Variants in PEMT observed in about 807,000 individuals in gnomAD.
PEMT encodes phosphatidylethanolamine N-methyltransferase, also known as phospholipid methyltransferase.
In PEMT, 23 loss-of-function variants were observed where a neutral mutation model predicts 27.4. The ratio of observed to expected loss-of-function variants is 0.84; its 90% CI spans 0.60 to 1.19. The LOEUF is 1.19. Among genes scored for constraint, PEMT ranks in the 50% most tolerant of loss-of-function variants. The pLI, the probability that PEMT is intolerant of heterozygous loss-of-function variation, is 0.00. For synonymous variants in PEMT, 137 were observed against 139.1 expected (o/e 0.98, Z 0.11); for missense variants, 307 against 310.1 (o/e 0.99, Z 0.07).
At chr17:17,569,769 T>C (rs973578361) in intron 2 of PEMT, among the ~76,000 whole-genome samples, 1 of 152,206 alleles carries the variant, frequency 6.6e-6, no homozygotes, top group Non-Finnish European at 1.5e-5. Flanking sequence ...TACCAAAGCA[T>C]GTGCACACTT....
At chr17:17,577,687 C>G (rs995927099) in intron 1 of PEMT, among the ~76,000 whole-genome samples, 1 of 151,394 alleles carries the variant, frequency 6.6e-6, no homozygotes, top group African/African-American at 2.4e-5. Flanking sequence ...AAAAAACCCA[C>G]GGCCCATTCC....
chr17:17,583,608 G>A (rs1029441003), intron 1 of PEMT, among the ~76,000 whole-genome samples: 3 of 152,178 alleles, frequency 2.0e-5, no homozygotes, highest in African/African-American at 7.2e-5. Flanking sequence ...TTTCCCTTGA[G>A]TGGAATGGGG....
chr17:17,527,280 G>A (rs145241538), intron 2 of PEMT, among the ~76,000 whole-genome samples: 4,682 of 152,242 alleles, frequency 0.031, 238 homozygotes, highest in African/African-American at 0.11. Flanking sequence ...CAGGTGATCC[G>A]CCCGCCTCGG....
chr17:17,520,865 C>T (rs1184582781), intron 3 of PEMT, among the ~76,000 whole-genome samples: 1 of 152,272 alleles, frequency 6.6e-6, no homozygotes, highest in East Asian at 1.9e-4. Flanking sequence ...TGCTCACCCA[C>T]ATTCCTGTGG....
rs991529279 is a variant in PEMT at position 17,516,590 on chromosome 17, C to T, written c.321-3936G>A. Reference sequence around the variant, plus strand: ...AACAGGCAGCAGTATCCCAGCACCCCTAGCACCTGGGAATCCCAGGCTGAC... The same window carrying T: ...AACAGGCAGCAGTATCCCAGCACCCTTAGCACCTGGGAATCCCAGGCTGAC... On this transcript the variant is annotated intron_variant, in intron 3 of 6. Transcript: ENST00000255389. Among the ~76,000 whole-genome samples the T allele has an allele frequency of 3.3e-5, 5 of 152,184 alleles. No homozygotes were observed. In the East Asian group the frequency reaches 5.8e-4, roughly 18 times the overall value.
chr17:17,525,799 C>T (rs1406396679), intron 2 of PEMT, among the ~76,000 whole-genome samples: 1 of 152,144 alleles, frequency 6.6e-6, no homozygotes, highest in African/African-American at 2.4e-5. Flanking sequence ...TCGAGACCAG[C>T]CAGGCCAACA....
At chr17:17,522,653 A>T (rs1907362040) in intron 2 of PEMT, among the ~76,000 whole-genome samples, 1 of 152,162 alleles carries the variant, frequency 6.6e-6, no homozygotes, top group African/African-American at 2.4e-5. Flanking sequence ...CTTCAACCAG[A>T]CACAGCCATG....
intron 2 of PEMT, among the ~76,000 whole-genome samples, chr17:17,544,898 A>G (rs571110730): frequency 6.6e-6 from 1 of 152,350 alleles, no homozygotes; most frequent in South Asian, 2.1e-4. Flanking sequence ...CAGCTGCAGC[A>G]TTCTTACCAA....
rs1463456474 is a variant in PEMT, at chr17:17,513,315, G to A, written c.321-661C>T. Among the ~76,000 whole-genome samples the A allele has an allele frequency of 6.6e-6, 1 of 152,250 alleles. No homozygotes were observed. The highest frequency in any genetic ancestry group is 2.4e-5 in the African/African-American group (1 of 41,476). Reference sequence around the variant, plus strand: ...GAAGGCCTTGTAAAAAGGTAGTGGGGTCCAGGTGTGGTGGCTCACGCCTGC... The same window carrying A: ...GAAGGCCTTGTAAAAAGGTAGTGGGATCCAGGTGTGGTGGCTCACGCCTGC... On this transcript the variant is annotated intron_variant, in intron 3 of 6. Transcript: ENST00000255389. The surrounding 1 kb of genome is among the most constrained non-coding windows in gnomAD (Gnocchi z 4.1).
chr17:17,570,539 C>T (rs4646352), intron 2 of PEMT: 495,813 of 984,642 alleles, frequency 0.5, 127,025 homozygotes, highest in Non-Finnish European at 0.53. Flanking sequence ...GGTGAGGAGG[C>T]ATGAGGGAGG....
chr17:17,583,619 G>T (rs1183119403), intron 1 of PEMT, among the ~76,000 whole-genome samples: 1 of 152,150 alleles, frequency 6.6e-6, no homozygotes, highest in Non-Finnish European at 1.5e-5. Flanking sequence ...TGGAATGGGG[G>T]TGATGAGACA....
intron 2 of PEMT, among the ~76,000 whole-genome samples, chr17:17,538,193 T>C (rs1908619625): frequency 6.6e-6 from 1 of 152,146 alleles, no homozygotes; most frequent in Admixed American, 6.5e-5. Context: ...TGAGCCCAAC[T>C]GGACAGGGAG....
At chr17:17,588,381 G>T (rs536508237) in intron 1 of PEMT, among the ~76,000 whole-genome samples, 13 of 152,260 alleles carry the variant, frequency 8.5e-5, no homozygotes, top group African/African-American at 3.1e-4. Flanking sequence ...TTTGCCTCCA[G>T]GGTCTTACTC....
At chr17:17,560,747 C>T (rs995709297) in intron 2 of PEMT, among the ~76,000 whole-genome samples, 6 of 152,106 alleles carry the variant, frequency 3.9e-5, no homozygotes, top group Admixed American at 1.3e-4. Flanking sequence ...CCACCCTTCG[C>T]GTCCACACCA....
At chr17:17,517,917 C>T (rs2142529338) in intron 3 of PEMT, 1 of 951,304 alleles carries the variant, frequency 1.1e-6, no homozygotes, top group South Asian at 4.8e-5. Context: ...CCACCCAGAC[C>T]ACCTTCCAGA....
Position 17,591,667 on chromosome 17 carries a change from A to G in PEMT, c.-41T>C. 6.3e-7 allele frequency: 1 copy of G among 1,588,314 alleles called. No individual in the cohort carries two copies. Among genetic ancestry groups the G allele is most frequent in the Admixed American group, 1.8e-5 (1 of 56,540 alleles). On this transcript the variant is annotated 5_prime_UTR_variant, in exon 1 of 7. Coordinates refer to ENST00000255389, the MANE Select transcript of PEMT (RefSeq NM_148172.3). The stretch of plus-strand genomic sequence containing the variant: ...GGAGGCACCACGCGGGCCCCGCTGC[A>G]GCCACGCGCCCCCGGAACCGGACCT...
intron 2 of PEMT, among the ~76,000 whole-genome samples, chr17:17,552,172 C>T (rs891775034): frequency 2.0e-5 from 3 of 151,994 alleles, no homozygotes; most frequent in African/African-American, 7.2e-5. Flanking sequence ...ATTAGCCGGG[C>T]ATGGTAGCGC....
chr17:17,554,864 C>T (rs930152311), intron 2 of PEMT, among the ~76,000 whole-genome samples: 3 of 152,156 alleles, frequency 2.0e-5, no homozygotes, highest in Admixed American at 6.5e-5. Flanking sequence ...GATCCACCCA[C>T]CTCGGCCTCC....
At chr17:17,536,246 C>T (rs528088714) in intron 2 of PEMT, among the ~76,000 whole-genome samples, 19 of 152,336 alleles carry the variant, frequency 1.2e-4, no homozygotes, top group African/African-American at 4.1e-4. Flanking sequence ...GCCTCCCTTG[C>T]AGGACTTGCC....
Sources: gnomAD v4.1 joint callset for allele counts (sites outside exome capture counted in the v4.1 genomes callset) on GRCh38, gnomAD v4.1.1 for gene constraint, Gnocchi (gnomAD v3.1) non-coding constraint, MANE v1.5 for transcripts, NCBI Gene and HGNC (gene_info 2026-07-23, HGNC 2026-07-21) for gene names.